Variants in ITGAV observed in about 807,000 individuals in gnomAD.
ITGAV encodes integrin alpha-V.
In ITGAV, 76 loss-of-function variants were observed where a neutral mutation model predicts 143.8. The ratio of observed to expected loss-of-function variants is 0.53; its 90% CI spans 0.44 to 0.64. ITGAV has a LOEUF of 0.64. Among genes scored for constraint, ITGAV ranks in the 30% least tolerant of loss-of-function variants. The pLI is 0.00. For missense variants in ITGAV, 1,193 were observed against 1,274.7 expected, an observed-to-expected ratio of 0.94 and a Z score of 0.98; for synonymous variants, 453 against 446.7, an observed-to-expected ratio of 1.01 and a Z score of -0.18.
At chr2:186,668,336 C>T (rs1443525987) in intron 24 of ITGAV, among the ~76,000 whole-genome samples, 1 of 145,044 alleles carries the variant, frequency 6.9e-6, no homozygotes, top group East Asian at 2.1e-4. Context: ...AGCGATTCTC[C>T]TGCCTCAGCT....
chr2:186,601,847 A>G (rs904757034), intron 1 of ITGAV, among the ~76,000 whole-genome samples, 174 bp from the exon 2 acceptor site: 5 of 152,252 alleles, frequency 3.3e-5, no homozygotes, highest in African/African-American at 1.2e-4. Context: ...CAAATAATGT[A>G]TGCATGCAAG....
chr2:186,656,399 C>T lies in ITGAV; in HGVS notation c.1717C>T (p.Arg573Trp), dbSNP rs571276917. 10 of 1,470,832 alleles carry T rather than the reference C, an allele frequency of 6.8e-6. No homozygotes were observed. The highest frequency in any genetic ancestry group is 2.9e-5 in the African/African-American group (2 of 67,848). 91.1% of individuals were successfully genotyped at this position (1,470,832 alleles called of 1,614,324 possible). Residue 573 changes from arginine (R) to tryptophan (W), a missense_variant and splice_region_variant, in exon 17 of 30, where the codon CGG becomes TGG. Coordinates refer to ENST00000261023, the MANE Select transcript of ITGAV (RefSeq NM_002210.5). ...MQCEELIAYL[R>W]DESEFRDKLT... The stretch of plus-strand genomic sequence containing the variant: ...GTGTGAGGAATTGATAGCGTATCTG[C>T]GGGTAAGAGCTAACTTTTCTGCTAC...
intron 10 of ITGAV, 31 bp downstream of exon 10, chr2:186,638,496 C>T: frequency 6.4e-7 from 1 of 1,572,802 alleles, no homozygotes; most frequent in East Asian, 2.2e-5. Context: ...CGTCCTCTCC[C>T]ACTATAAAAG....
intron 18 of ITGAV, among the ~76,000 whole-genome samples, chr2:186,662,177 A>G (rs1042727736): frequency 2.6e-5 from 4 of 152,208 alleles, no homozygotes; most frequent in African/African-American, 7.2e-5. Context: ...GGAATGTTAT[A>G]CATACCTTAT....
intron 19 of ITGAV, 138 bp from the exon 20 acceptor site, chr2:186,664,356 T>C (rs1688827988): frequency 3.9e-6 from 3 of 772,720 alleles, no homozygotes; most frequent in Non-Finnish European, 6.1e-6. Context: ...TCTATCAAGC[T>C]GTGAAGTAGT....
At position 186,619,543 on chromosome 2, in the gene ITGAV, G is replaced by A. The variant is rs113594184; in HGVS notation, c.317-2796G>A. Among the ~76,000 whole-genome samples the A allele has an allele frequency of 4.9e-3, 614 of 126,312 alleles. 1 individual carries two copies. The highest frequency in any genetic ancestry group is 7.8e-3 in the Non-Finnish European group (460 of 59,228). 82.9% of individuals were successfully genotyped at this position (126,312 alleles called of 152,430 possible). A position where few individuals can be genotyped will look rare whatever the true frequency, so the allele number is the denominator to read the frequency against. ...TTGTCTAATTTCAAATAGGTAGAAGGAAGGAATCGAATGTTCCCAACACAA... is the reference window on the plus strand; with the variant it reads ...TTGTCTAATTTCAAATAGGTAGAAGAAAGGAATCGAATGTTCCCAACACAA... On this transcript the variant is annotated intron_variant, in intron 2 of 29. Coordinates refer to ENST00000261023, the MANE Select transcript of ITGAV (RefSeq NM_002210.5).
intron 2 of ITGAV, among the ~76,000 whole-genome samples, chr2:186,620,769 G>A (rs1687498306): frequency 6.6e-6 from 1 of 152,166 alleles, no homozygotes; most frequent in African/African-American, 2.4e-5. Flanking sequence ...AATTGAGGGA[G>A]ATGTAGGGGA....
In ITGAV at chr2:186,668,907, C is replaced by A; in HGVS notation, c.2579C>A (p.Pro860His). 1.2e-6 allele frequency: 2 copies of A among 1,608,344 alleles called. No homozygotes were observed. The highest frequency in any genetic ancestry group is 2.2e-5 in the East Asian group (1 of 44,652). ...MNCTSDMEIN[P>H]LRIKISSLQT... ...TGCACTTCAGATATGGAGATCAACC[C>A]TTTGAGAATTAAGGTAATATGCTTA... Residue 860 changes from proline to histidine, a missense_variant, in exon 25 of 30, where the codon CCT (proline) becomes CAT (histidine). By Grantham distance (77) the Pro-to-His change is moderately conservative. Coordinates refer to ENST00000261023, the MANE Select transcript of ITGAV (RefSeq NM_002210.5).
intron 21 of ITGAV, 120 bp from the exon 22 acceptor site, chr2:186,666,584 G>C (rs1294961598): frequency 2.0e-6 from 1 of 493,780 alleles, no homozygotes; most frequent in Non-Finnish European, 3.6e-6. Flanking sequence ...TCTTTGTTCA[G>C]TTTTATTGTA....
intron 1 of ITGAV, among the ~76,000 whole-genome samples, chr2:186,590,832 C>G (rs1473504029): frequency 1.3e-5 from 2 of 152,158 alleles, no homozygotes; most frequent in Non-Finnish European, 2.9e-5. Context: ...CTGGTCTTGC[C>G]GGACTCCCCG....
intron 18 of ITGAV, among the ~76,000 whole-genome samples, chr2:186,662,759 A>G (rs978661468): frequency 8.5e-5 from 13 of 152,356 alleles, no homozygotes; most frequent in African/African-American, 2.6e-4. Flanking sequence ...AAAAATGACA[A>G]TATTTTAAAT....
At chr2:186,625,217 T>A (rs1047605901) in intron 3 of ITGAV, among the ~76,000 whole-genome samples, 23 of 151,840 alleles carry the variant, frequency 1.5e-4, no homozygotes, top group Non-Finnish European at 2.6e-4. Flanking sequence ...TATAAAAAAA[T>A]TTTTAAAAAT....
chr2:186,674,967 C>G (rs747774223), intron 26 of ITGAV, among the ~76,000 whole-genome samples: 1 of 152,112 alleles, frequency 6.6e-6, no homozygotes, highest in Non-Finnish European at 1.5e-5. Flanking sequence ...TTTCTCAGGT[C>G]AAGGAAACTC....
chr2:186,622,455 C>T, intron 3 of ITGAV, 25 bp downstream of exon 3: 1 of 1,455,694 alleles, frequency 6.9e-7, no homozygotes, highest in Non-Finnish European at 9.6e-7. Context: ...TATTTACTTA[C>T]AGGTGATTTT....
intron 10 of ITGAV, among the ~76,000 whole-genome samples, chr2:186,640,357 G>T (rs1372130853): frequency 1.3e-5 from 2 of 152,162 alleles, no homozygotes; most frequent in South Asian, 2.1e-4. Flanking sequence ...GTAATCTATA[G>T]AGATATGACA....
chr2:186,654,130 T>G (rs1293902409), intron 15 of ITGAV, among the ~76,000 whole-genome samples: 12 of 152,050 alleles, frequency 7.9e-5, no homozygotes, highest in Non-Finnish European at 1.5e-4. Context: ...GTCAGGAGTT[T>G]GAGACCAGCC....
At chr2:186,615,674 T>C (rs987498803) in intron 2 of ITGAV, among the ~76,000 whole-genome samples, 1 of 151,876 alleles carries the variant, frequency 6.6e-6, no homozygotes, top group Non-Finnish European at 1.5e-5. Context: ...GTTGTAGGAG[T>C]TTTTCGTTTT....
intron 4 of ITGAV, among the ~76,000 whole-genome samples, chr2:186,628,162 G>GT (rs567440557): frequency 6.6e-6 from 1 of 152,082 alleles, no homozygotes; most frequent in African/African-American, 2.4e-5. Flanking sequence ...TAAATTCAGT[G>GT]TTTTTTATCT....
At position 186,641,527 on chromosome 2, in the gene ITGAV, C is replaced by A. The variant is rs1361406975; in HGVS notation, c.1098C>A (p.Val366=). 1.9e-6 allele frequency: 3 copies of A among 1,614,170 alleles called. No homozygotes were observed. Among genetic ancestry groups the A allele is most frequent in the Non-Finnish European group, 2.5e-6 (3 of 1,180,034 alleles). ...FQTTKLNGFE[V]FARFGSAIAP... ...CGACAAAGCTGAATGGATTTGAGGT[C>A]TTTGCACGGTTTGGCAGTGCCATAG... Residue 366 remains valine, a synonymous_variant, in exon 12 of 30, where the codon GTC becomes GTA. Coordinates refer to ENST00000261023, the MANE Select transcript of ITGAV (RefSeq NM_002210.5).
Sources: allele counts gnomAD v4.1 joint callset (sites outside exome capture counted in the v4.1 genomes callset), GRCh38; gene constraint gnomAD v4.1.1; transcripts MANE v1.5; gene names NCBI Gene and HGNC (gene_info 2026-07-23, HGNC 2026-07-21).